ABCC11: variants seen among roughly 807,000 people sequenced by gnomAD.
ABCC11 encodes ATP-binding cassette sub-family C member 11.
ABCC11 carries 135 observed loss-of-function variants against 149.3 expected under a neutral mutation model. The ratio of observed to expected loss-of-function variants is 0.90; its 90% CI spans 0.79 to 1.04. The LOEUF (loss-of-function observed/expected upper bound fraction) is 1.04. Among genes scored for constraint, ABCC11 ranks in the 50% least tolerant of loss-of-function variants. ABCC11 has a pLI of 0.00. For missense variants in ABCC11, 1,680 were observed against 1,722.1 expected (o/e 0.98, Z 0.43); for synonymous variants, 665 against 671.4 (o/e 0.99, Z 0.15).
chr16:48,181,481 G>T (rs975086593), intron 23 of ABCC11, among the ~76,000 whole-genome samples: 3 of 152,292 alleles, frequency 2.0e-5, no homozygotes, highest in Admixed American at 6.5e-5. Flanking sequence ...ATCCTCACAA[G>T]TCTATGATTT....
At chr16:48,213,326 A>G in intron 10 of ABCC11, 117 bp downstream of exon 10, 3 of 817,844 alleles carry the variant, frequency 3.7e-6, no homozygotes, top group Non-Finnish European at 5.8e-6. Flanking sequence ...TGAGTTAGCT[A>G]ATCCCTCTCT....
intron 1 of ABCC11, among the ~76,000 whole-genome samples, chr16:48,237,413 T>A (rs1970742536): frequency 6.6e-6 from 1 of 152,146 alleles, no homozygotes. Context: ...TCATGTCCAA[T>A]CCATCAGCAT....
In ABCC11 at chr16:48,214,983, G is replaced by C. The variant is rs1969221860; in HGVS notation, c.1146C>G (p.Val382=). 5.6e-6 allele frequency: 9 copies of C among 1,613,998 alleles called. No individual in the cohort carries two copies. Among genetic ancestry groups the C allele is most frequent in the Non-Finnish European group, 7.6e-6 (9 of 1,180,046 alleles). ...ACAAGGTTATACTTGTCAGGCTCTG[G>C]ACAAGCCCGCACTTCTCCAATAGTT... The part of the protein sequence containing the change: ...ERKLLEKCGL[V]QSLTSITLFI... The change falls in exon 9 of 30, where the codon GTC becomes GTG. Residue 382 remains valine (V), a synonymous_variant. Transcript: ENST00000356608.
chr16:48,244,384 C>G (rs751118267), intron 1 of ABCC11: 2 of 1,535,294 alleles, frequency 1.3e-6, no homozygotes, highest in Admixed American at 3.8e-5. Context: ...CGAAAGGCTG[C>G]CAGCATGTCA....
intron 1 of ABCC11, among the ~76,000 whole-genome samples, chr16:48,232,601 C>G (rs1596851549): frequency 6.6e-6 from 1 of 152,024 alleles, no homozygotes; most frequent in African/African-American, 2.4e-5. Flanking sequence ...GTATGTGACT[C>G]ACTCCCTGCT....
At chr16:48,175,609 C>T (rs1314068778) in intron 25 of ABCC11, among the ~76,000 whole-genome samples, 192 bp from the exon 26 acceptor site, 1 of 152,204 alleles carries the variant, frequency 6.6e-6, no homozygotes, top group East Asian at 1.9e-4. Flanking sequence ...CAGCTTGTTA[C>T]AGCCTAGATC....
At chr16:48,185,265 A>G (rs1366541500) in intron 22 of ABCC11, among the ~76,000 whole-genome samples, 2 of 152,244 alleles carry the variant, frequency 1.3e-5, no homozygotes, top group African/African-American at 4.8e-5. Context: ...TTAAAGTACC[A>G]AGAAATTAAA....
chr16:48,178,007 G>A (rs1269995175), intron 24 of ABCC11, among the ~76,000 whole-genome samples: 3 of 152,172 alleles, frequency 2.0e-5, no homozygotes, highest in African/African-American at 7.2e-5. Flanking sequence ...CACCATGCCT[G>A]GCCCACAGAA....
chr16:48,232,056 T>C (rs765403054), intron 1 of ABCC11, 117 bp from the exon 2 acceptor site: 59 of 1,489,900 alleles, frequency 4.0e-5, no homozygotes, highest in Non-Finnish European at 5.0e-5. Context: ...ATTGGGGCCA[T>C]GCAGAGGTTT....
intron 9 of ABCC11, 52 bp from the exon 10 acceptor site, chr16:48,213,602 C>G (rs1390159178): frequency 4.9e-6 from 7 of 1,429,626 alleles, no homozygotes; most frequent in Non-Finnish European, 6.7e-6. Flanking sequence ...CCTGCTTCCT[C>G]CATTCCCTGT....
intron 26 of ABCC11, among the ~76,000 whole-genome samples, chr16:48,174,835 T>C (rs1965939666): frequency 6.6e-6 from 1 of 152,156 alleles, no homozygotes; most frequent in Admixed American, 6.5e-5. Flanking sequence ...TTTGTTTGTT[T>C]TTTAATAAGA....
At chr16:48,221,735 G>A (rs1456353080) in intron 6 of ABCC11, among the ~76,000 whole-genome samples, 1 of 146,672 alleles carries the variant, frequency 6.8e-6, no homozygotes, top group Non-Finnish European at 1.5e-5. Flanking sequence ...GTAACTATTT[G>A]GGGTGTGTGT....
chr16:48,190,012 G>C (rs1341817174), intron 20 of ABCC11, among the ~76,000 whole-genome samples: 1 of 152,108 alleles, frequency 6.6e-6, no homozygotes, highest in African/African-American at 2.4e-5. Context: ...TCCTGGTCTT[G>C]AGCTGGCTAA....
At chr16:48,213,908 C>T (rs1969122347) in intron 9 of ABCC11, among the ~76,000 whole-genome samples, 1 of 152,176 alleles carries the variant, frequency 6.6e-6, no homozygotes, top group Non-Finnish European at 1.5e-5. Flanking sequence ...AGCATTGCTT[C>T]CTTTCAATGT....
intron 6 of ABCC11, among the ~76,000 whole-genome samples, chr16:48,221,888 TA>T (rs1772864080): frequency 6.6e-6 from 1 of 151,938 alleles, no homozygotes; most frequent in African/African-American, 2.4e-5. Flanking sequence ...ACTATAGGTA[TA>T]TACCACCATG....
At chr16:48,207,907 T>C (rs1167193834) in intron 12 of ABCC11, among the ~76,000 whole-genome samples, 2 of 151,972 alleles carry the variant, frequency 1.3e-5, no homozygotes. Context: ...CCAGCAGGGC[T>C]CCTCTCCCCA....
At position 48,200,473 on chromosome 16, in the gene ABCC11, C is replaced by A. The variant is rs1009209470; in HGVS notation, c.1885G>T (p.Glu629Ter). Residue 629 changes from glutamate (E) to a stop codon, truncating the protein, a stop_gained, in exon 15 of 30, where the codon GAG becomes TAG. Coordinates refer to ENST00000356608, the MANE Select transcript of ABCC11 (RefSeq NM_001370497.1). LOFTEE classifies it high-confidence loss of function. The part of the protein sequence containing the change: ...LPFGDMTEIG[E>*]RGLNLSGGQK... ...CCCCCAGAGAGGTTGAGGCCCCGCT[C>A]TCCAATCTGCAGACAGGCAGTAAAA... 1 of 1,613,816 alleles carries A rather than the reference C, an allele frequency of 6.2e-7. No homozygotes were observed. The highest frequency in any genetic ancestry group is 1.3e-5 in the African/African-American group (1 of 74,940).
intron 12 of ABCC11, 132 bp from the exon 13 acceptor site, chr16:48,205,669 T>A (rs974653941): frequency 9.7e-6 from 12 of 1,232,930 alleles, no homozygotes. Flanking sequence ...AAAGGGACTT[T>A]TAATGTGGCC....
At chr16:48,165,377 G>A (rs759709448), downstream of ABCC11, among the ~76,000 whole-genome samples, 1 of 152,192 alleles carries the variant, frequency 6.6e-6, no homozygotes, top group Non-Finnish European at 1.5e-5. Context: ...TCCCAAATGG[G>A]GAACAGAAGG....
Sources: allele counts gnomAD v4.1 joint callset (sites outside exome capture counted in the v4.1 genomes callset), GRCh38; gene constraint gnomAD v4.1.1; transcripts MANE v1.5; gene names NCBI Gene and HGNC (gene_info 2026-07-23, HGNC 2026-07-21).